MBTD1: variants seen among roughly 807,000 people sequenced by gnomAD.
MBTD1 encodes MBT domain-containing protein 1.
In MBTD1, 24 loss-of-function variants were observed where a neutral mutation model predicts 87.8. That is an observed-to-expected ratio of 0.27 (90% CI 0.20 to 0.38). MBTD1 has a LOEUF of 0.38. Among genes scored for constraint, MBTD1 ranks in the 10% least tolerant of loss-of-function variants. MBTD1 has a pLI of 1.00. For missense variants in MBTD1, 436 were observed against 760.2 expected (o/e 0.57, Z 5.02); for synonymous variants, 237 against 248.6 (o/e 0.95, Z 0.44).
chr17:51,247,486 G>T (rs1457602535), intron 2 of MBTD1, among the ~76,000 whole-genome samples: 2 of 134,278 alleles, frequency 1.5e-5, no homozygotes, highest in African/African-American at 2.9e-5. Flanking sequence ...TTGCTCTATC[G>T]TTCAGCCTGG....
chr17:51,203,028 G>C, intron 9 of MBTD1, 93 bp from the exon 10 acceptor site: 1 of 1,251,602 alleles, frequency 8.0e-7, no homozygotes, highest in Non-Finnish European at 1.2e-6. Flanking sequence ...GAATGCACTT[G>C]AAATGTAACA....
At chr17:51,189,850 G>C (rs774828899) in intron 16 of MBTD1, among the ~76,000 whole-genome samples, 1 of 152,174 alleles carries the variant, frequency 6.6e-6, no homozygotes, top group Non-Finnish European at 1.5e-5. Context: ...AGATACATGA[G>C]AACTCCCTTT....
intron 7 of MBTD1, among the ~76,000 whole-genome samples, chr17:51,205,636 T>G (rs1249481520): frequency 1.3e-5 from 2 of 152,020 alleles, no homozygotes; most frequent in Non-Finnish European, 2.9e-5. Context: ...GACAAAAACG[T>G]GCTGTATGAA....
At position 51,192,567 on chromosome 17, in the gene MBTD1, A is replaced by G. The variant is rs111284986; in HGVS notation, c.1690+215T>C. The G allele has an allele frequency of 5.0e-5, 41 of 817,586 alleles. 4 individuals are homozygous for G. In the African/African-American group the frequency reaches 5.2e-4, roughly 10 times the overall value. 50.6% of individuals were successfully genotyped at this position (817,586 alleles called of 1,614,324 possible). On this transcript the variant is annotated intron_variant, in intron 15 of 16. Transcript: ENST00000586178. ...TTAATTTGGTGACTGTTGTGTTTCT[A>G]TAGTCATTATGTAATTGACTATTGG... is the stretch of plus-strand genomic sequence containing the variant.
intron 7 of MBTD1, among the ~76,000 whole-genome samples, chr17:51,204,241 A>G (rs1598326259): frequency 6.6e-6 from 1 of 151,992 alleles, no homozygotes; most frequent in Admixed American, 6.6e-5. Flanking sequence ...ATGTATTTCA[A>G]TTGTACCCAT....
intron 2 of MBTD1, among the ~76,000 whole-genome samples, chr17:51,227,242 CAAAAAAAAAAAAA>C (rs71149355): frequency 3.5e-5 from 4 of 115,596 alleles, no homozygotes; most frequent in Non-Finnish European, 1.8e-5. Context: ...ACTCTGTCTC[CAAAAAAAAAAAAA>C]AAAAAAAAAA....
intron 3 of MBTD1, among the ~76,000 whole-genome samples, chr17:51,222,646 C>G (rs1293998061): frequency 6.6e-6 from 1 of 151,976 alleles, no homozygotes; most frequent in Non-Finnish European, 1.5e-5. Context: ...AATCTGCCCG[C>G]CTCAGCCTCC....
intron 13 of MBTD1, 22 bp downstream of exon 13, chr17:51,195,192 T>C (rs765538525): frequency 5.4e-5 from 86 of 1,591,120 alleles, no homozygotes; most frequent in Non-Finnish European, 7.3e-5. Flanking sequence ...TAAAACCCAG[T>C]GTTTATATTA....
At chr17:51,239,995 T>C (rs2054072876) in intron 2 of MBTD1, among the ~76,000 whole-genome samples, 1 of 152,212 alleles carries the variant, frequency 6.6e-6, no homozygotes, top group South Asian at 2.1e-4. Flanking sequence ...GGTCATATAT[T>C]TCATTTGTCA....
intron 6 of MBTD1, among the ~76,000 whole-genome samples, chr17:51,215,651 T>C (rs2052525238): frequency 6.6e-6 from 1 of 152,218 alleles, no homozygotes; most frequent in South Asian, 2.1e-4. Flanking sequence ...GCTATTGCTG[T>C]GTATGGAATA....
At chr17:51,244,136 A>G (rs2054301419) in intron 2 of MBTD1, among the ~76,000 whole-genome samples, 1 of 152,166 alleles carries the variant, frequency 6.6e-6, no homozygotes. Context: ...TCTCACTGAA[A>G]TCTCACCGCC....
intron 2 of MBTD1, among the ~76,000 whole-genome samples, chr17:51,240,252 T>C (rs1181795417): frequency 1.3e-5 from 2 of 152,202 alleles, no homozygotes; most frequent in Non-Finnish European, 2.9e-5. Context: ...TTGAACATGC[T>C]ACAATAAATG....
chr17:51,218,504 G>A (rs1005396253), intron 5 of MBTD1, among the ~76,000 whole-genome samples: 1 of 135,098 alleles, frequency 7.4e-6, no homozygotes. Flanking sequence ...ACTCTAGCCT[G>A]AGTGACAGAG....
At chr17:51,239,354 G>A (rs184731209) in intron 2 of MBTD1, among the ~76,000 whole-genome samples, 3 of 151,946 alleles carry the variant, frequency 2.0e-5, no homozygotes, top group African/African-American at 7.3e-5. Flanking sequence ...CTTTCTTTAA[G>A]GATGGTTATA....
chr17:51,238,410 A>G (rs1444772492), intron 2 of MBTD1, among the ~76,000 whole-genome samples: 1 of 152,234 alleles, frequency 6.6e-6, no homozygotes, highest in Non-Finnish European at 1.5e-5. Context: ...AGTAACCAAG[A>G]AAGAGGAAGA....
chr17:51,192,769 T>C lies in MBTD1; in HGVS notation c.1690+13A>G. On this transcript the variant is annotated intron_variant, in intron 15 of 16. Transcript: ENST00000586178. ...TTTTTACAAAAGGACACCTTTTCTG[T>C]ATACCAACTTACACTGTGATGCTGG... is the stretch of plus-strand genomic sequence containing the variant. 1 of 1,613,428 alleles carries C rather than the reference T, an allele frequency of 6.2e-7. No homozygotes were observed. Among genetic ancestry groups the C allele is most frequent in the Non-Finnish European group, 8.5e-7 (1 of 1,179,506 alleles).
chr17:51,179,484 T>TATATATATATATATTTATATATATA lies in MBTD1; in HGVS notation c.*1091_*1092insTATATATATAAATATATATATATAT. 2.8e-5 allele frequency: 1 copy of TATATATATATATATTTATATATATA among 35,306 alleles called. No homozygotes were observed. Among genetic ancestry groups the TATATATATATATATTTATATATATA allele is most frequent in the South Asian group, 1.1e-3 (1 of 914 alleles). The allele number at this position is 35,306 out of a possible 1,614,324, so 2.2% of individuals were successfully genotyped here. ...ATCCTGAATACAATTAAAGACAATT[T>TATATATATATATATTTATATATATA]TATATATATATATATATATATATAT... On this transcript the variant is annotated 3_prime_UTR_variant, in exon 17 of 17. Transcript: ENST00000586178.
intron 2 of MBTD1, among the ~76,000 whole-genome samples, chr17:51,236,760 C>CAA (rs1008043685): frequency 6.3e-5 from 7 of 110,448 alleles, no homozygotes; most frequent in African/African-American, 2.3e-4. Flanking sequence ...GCTGAAAAGG[C>CAA]AATTTAGTGG....
chr17:51,213,681 A>G (rs1475673385), intron 6 of MBTD1, among the ~76,000 whole-genome samples: 1 of 152,230 alleles, frequency 6.6e-6, no homozygotes, highest in Non-Finnish European at 1.5e-5. Context: ...ATGATTTTAA[A>G]GATGCCTTCT....
Sources: allele counts gnomAD v4.1 joint callset (sites outside exome capture counted in the v4.1 genomes callset), GRCh38; gene constraint gnomAD v4.1.1; transcripts MANE v1.5; gene names NCBI Gene and HGNC (gene_info 2026-07-23, HGNC 2026-07-21).